The following USP13 variants were observed in gnomAD, a reference collection of about 807,000 sequenced individuals.
USP13 encodes ubiquitin carboxyl-terminal hydrolase 13.
A neutral mutation model predicts 107.8 loss-of-function variants in USP13; 68 were observed. That is an observed-to-expected ratio of 0.63 (90% CI 0.52 to 0.77). USP13 has a LOEUF of 0.77. USP13 is among the 30% of genes least tolerant of loss of function. The pLI is 0.00. For synonymous variants in USP13, 377 were observed against 389.5 expected, an observed-to-expected ratio of 0.97 and a Z score of 0.38; for missense variants, 945 against 1,093.3, an observed-to-expected ratio of 0.86 and a Z score of 1.91.
chr3:179,672,255 T>C (rs12636924), intron 1 of USP13, among the ~76,000 whole-genome samples: 65,350 of 152,090 alleles, frequency 0.43, 14,844 homozygotes, highest in East Asian at 0.65. Flanking sequence ...TTCTGAATAG[T>C]ACATAGAGGG....
In USP13 at chr3:179,788,588, C is replaced by T. The variant is rs1399193790; in HGVS notation, c.*4447C>T. 1.3e-5 allele frequency: 2 copies of T among 152,096 alleles called. No homozygotes were observed. The highest frequency in any genetic ancestry group is 2.4e-5 in the African/African-American group (1 of 41,394). 9.4% of individuals were successfully genotyped at this position (152,096 alleles called of 1,614,324 possible). On this transcript the variant is annotated 3_prime_UTR_variant, in exon 21 of 21. Transcript: ENST00000263966. ...ATATTGATAACATGCTGAAATGACA[C>T]TATTTTGGATGTACTAAGTAAAATA...
intron 1 of USP13, 148 bp from the exon 2 acceptor site, chr3:179,681,730 A>G (rs1711660495): frequency 9.9e-7 from 1 of 1,007,994 alleles, no homozygotes; most frequent in Admixed American, 2.4e-5. Context: ...CACTTGGGTT[A>G]AAACAAGGTA....
chr3:179,708,003 C>T (rs1043260160), intron 5 of USP13, among the ~76,000 whole-genome samples: 3 of 152,166 alleles, frequency 2.0e-5, no homozygotes, highest in Admixed American at 2.0e-4. Flanking sequence ...TCAAGTTGGT[C>T]TCCTTTCTAA....
chr3:179,765,871 G>T (rs758089127), intron 19 of USP13, 23 bp downstream of exon 19: 12 of 1,610,408 alleles, frequency 7.5e-6, no homozygotes, highest in Non-Finnish European at 1.0e-5. Flanking sequence ...CTTAGAGGCT[G>T]TCTGAGCAGT....
chr3:179,681,543 C>T (rs929974796), intron 1 of USP13, among the ~76,000 whole-genome samples: 8 of 152,048 alleles, frequency 5.3e-5, no homozygotes, highest in African/African-American at 1.9e-4. Flanking sequence ...ATCCACCGAG[C>T]GCGTCCTCAG....
chr3:179,742,139 T>G lies in USP13; in HGVS notation c.1381-58T>G. 1.9e-6 allele frequency: 3 copies of G among 1,603,424 alleles called. No individual in the cohort carries two copies. The Admixed American group carries it at 5.0e-5, about 27-fold the overall frequency. On this transcript the variant is annotated intron_variant, in intron 11 of 20. Coordinates refer to ENST00000263966, the MANE Select transcript of USP13 (RefSeq NM_003940.3). The surrounding 1 kb of genome is among the most constrained non-coding windows in gnomAD (Gnocchi z 5.0). ...ACCGGGTTTAGAGTTCATTTTCTAC[T>G]AAGTCTTAGTGGCTCAATATTCATA...
intron 6 of USP13, among the ~76,000 whole-genome samples, chr3:179,714,135 A>G (rs915611394): frequency 6.6e-6 from 1 of 152,200 alleles, no homozygotes; most frequent in Non-Finnish European, 1.5e-5. Flanking sequence ...GAGACGGGAT[A>G]GGGTGTGTTT....
chr3:179,668,441 T>C (rs922431676), intron 1 of USP13, among the ~76,000 whole-genome samples: 3 of 152,288 alleles, frequency 2.0e-5, no homozygotes, highest in South Asian at 2.1e-4. Context: ...TTTACTTCAA[T>C]GGATCTGCTG....
intron 13 of USP13, among the ~76,000 whole-genome samples, chr3:179,746,508 C>A (rs1714414084): frequency 6.6e-6 from 1 of 152,018 alleles, no homozygotes; most frequent in South Asian, 2.1e-4. Flanking sequence ...TCTCTGCTTG[C>A]CACAACCTAC....
At chr3:179,729,405 G>A (rs993178874) in intron 8 of USP13, among the ~76,000 whole-genome samples, 1 of 152,172 alleles carries the variant, frequency 6.6e-6, no homozygotes, top group African/African-American at 2.4e-5. Flanking sequence ...GTCAAGCAGA[G>A]GCTTCAGAGG....
chr3:179,662,858 C>T (rs939188544), intron 1 of USP13, among the ~76,000 whole-genome samples: 3 of 152,192 alleles, frequency 2.0e-5, no homozygotes, highest in Non-Finnish European at 2.9e-5. Context: ...CTGCATTCCT[C>T]TCCCTATGGA....
rs142250396 is a variant in USP13 at position 179,675,536 on chromosome 3, T to TATTA, written c.169-6342_169-6341insATTA. On this transcript the variant is annotated intron_variant, in intron 1 of 20. Coordinates refer to ENST00000263966, the MANE Select transcript of USP13 (RefSeq NM_003940.3). Reference sequence around the variant, plus strand: ...TATATGAGTTTTATCTGTAACCTATTTTATTATTATTATTATTATTATTAT... The same window carrying TATTA: ...TATATGAGTTTTATCTGTAACCTATTATTATTATTATTATTATTATTATTATTAT... Among the ~76,000 whole-genome samples, 728 of 146,380 alleles carry TATTA rather than the reference T, an allele frequency of 5.0e-3. 5 individuals are homozygous for TATTA. The highest frequency in any genetic ancestry group is 0.018 in the African/African-American group (700 of 39,554).
chr3:179,689,382 G>A (rs1196729192), intron 2 of USP13, among the ~76,000 whole-genome samples: 6 of 152,080 alleles, frequency 3.9e-5, no homozygotes, highest in Admixed American at 3.9e-4. Flanking sequence ...TGCTGGGTGG[G>A]GTGCGGTGGC....
In USP13 at chr3:179,788,119, C is replaced by T. The variant is rs1715963452; in HGVS notation, c.*3978C>T. The T allele has an allele frequency of 6.6e-6, 1 of 152,178 alleles. No individual in the cohort carries two copies. Among genetic ancestry groups the T allele is most frequent in the South Asian group, 2.1e-4 (1 of 4,832 alleles). 9.4% of individuals were successfully genotyped at this position (152,178 alleles called of 1,614,324 possible). On this transcript the variant is annotated 3_prime_UTR_variant, in exon 21 of 21. Transcript: ENST00000263966. ...TAGAGCTGTGATCCCCAAATAAGTGCTGACAAAATTGTCTACCACAGAAAG... is the reference window on the plus strand; with the variant it reads ...TAGAGCTGTGATCCCCAAATAAGTGTTGACAAAATTGTCTACCACAGAAAG...
intron 14 of USP13, 52 bp downstream of exon 14, chr3:179,752,425 C>T (rs1714645818): frequency 7.2e-7 from 1 of 1,380,666 alleles, no homozygotes; most frequent in Non-Finnish European, 1.0e-6. Context: ...GCCATTTAAA[C>T]AACATGGCAT....
At chr3:179,763,806 G>A (rs1355960799) in intron 17 of USP13, among the ~76,000 whole-genome samples, 196 bp from the exon 18 acceptor site, 1 of 152,164 alleles carries the variant, frequency 6.6e-6, no homozygotes, top group Non-Finnish European at 1.5e-5. Flanking sequence ...GGCTGGCCAC[G>A]AACTCCTGAC....
intron 6 of USP13, among the ~76,000 whole-genome samples, chr3:179,714,849 G>C (rs1713051568): frequency 6.7e-6 from 1 of 149,658 alleles, no homozygotes; most frequent in African/African-American, 2.5e-5. Flanking sequence ...TGTCCTGGCG[G>C]TTCTCTTTCT....
At chr3:179,696,081 A>C (rs534044844) in intron 3 of USP13, among the ~76,000 whole-genome samples, 3 of 152,284 alleles carry the variant, frequency 2.0e-5, no homozygotes, top group African/African-American at 7.2e-5. Context: ...CTGTGGTAAA[A>C]GTCAAGCACC....
rs1236095744 is a variant in USP13 at position 179,721,586 on chromosome 3, G to A, written c.1085G>A (p.Arg362Lys). Residue 362 changes from arginine to lysine, a missense_variant, in exon 8 of 21, where the codon AGA becomes AAA. By Grantham distance (26) the Arg-to-Lys change is conservative. Coordinates refer to ENST00000263966, the MANE Select transcript of USP13 (RefSeq NM_003940.3). The surrounding 1 kb of genome is among the most constrained non-coding windows in gnomAD (Gnocchi z 4.3). ...QAIFSIPEFQ[R>K]AYVGNLPRIF... ...ATCTTCAGCATCCCAGAATTCCAGA[G>A]AGCGTAAGTGCCTTCCATGCAGACC... 2.5e-6 allele frequency: 4 copies of A among 1,613,064 alleles called. No homozygotes were observed. Among genetic ancestry groups the A allele is most frequent in the East Asian group, 4.5e-5 (2 of 44,878 alleles).
Sources: gnomAD v4.1 joint callset for allele counts (sites outside exome capture counted in the v4.1 genomes callset) on GRCh38, gnomAD v4.1.1 for gene constraint, Gnocchi (gnomAD v3.1) non-coding constraint, MANE v1.5 for transcripts, NCBI Gene and HGNC (gene_info 2026-07-23, HGNC 2026-07-21) for gene names.